The following FAM13B variants were observed in gnomAD, a reference collection of about 807,000 sequenced individuals.
FAM13B encodes the protein protein FAM13B.
FAM13B carries 60 observed loss-of-function variants against 117.3 expected under a neutral mutation model. The observed-to-expected ratio is 0.51, with a 90% CI of 0.42 to 0.63. The LOEUF (loss-of-function observed/expected upper bound fraction) is 0.63, where lower values mean the gene tolerates loss of function less well. FAM13B is among the 30% of genes least tolerant of loss of function. The pLI is 0.00. For missense variants in FAM13B, 972 were observed against 1,091.9 expected (o/e 0.89, Z 1.55); for synonymous variants, 332 against 356.1 (o/e 0.93, Z 0.76).
intron 15 of FAM13B, 37 bp from the exon 16 acceptor site, chr5:137,953,502 CA>C: frequency 6.2e-7 from 1 of 1,605,972 alleles, no homozygotes; most frequent in East Asian, 2.2e-5. Context: ...GTTAAATTTT[CA>C]AGTACCAACA....
At chr5:137,962,362 C>T in intron 11 of FAM13B, 43 bp downstream of exon 11, 1 of 1,565,600 alleles carries the variant, frequency 6.4e-7, no homozygotes, top group East Asian at 2.2e-5. Flanking sequence ...TGAAGAGCTC[C>T]AATTCTCAAA....
intron 10 of FAM13B, among the ~76,000 whole-genome samples, chr5:137,984,593 T>A (rs1437332736): frequency 1.3e-5 from 2 of 150,846 alleles, no homozygotes; most frequent in African/African-American, 4.9e-5. Flanking sequence ...CAGGGATCTA[T>A]CCCATCCTAA....
chr5:137,965,693 G>C (rs560748338), intron 10 of FAM13B, among the ~76,000 whole-genome samples: 62 of 152,184 alleles, frequency 4.1e-4, no homozygotes, highest in African/African-American at 1.2e-3. Context: ...GAATTAATAT[G>C]ATCAAAACTG....
chr5:137,952,883 G>A (rs1185014493), intron 16 of FAM13B, among the ~76,000 whole-genome samples, 174 bp from the exon 17 acceptor site: 2 of 152,120 alleles, frequency 1.3e-5, no homozygotes, highest in African/African-American at 4.8e-5. Context: ...GTAAGGTCTC[G>A]TAACTGGCAG....
intron 10 of FAM13B, among the ~76,000 whole-genome samples, chr5:137,975,166 C>T (rs973500914): frequency 1.3e-5 from 2 of 152,112 alleles, no homozygotes; most frequent in Non-Finnish European, 2.9e-5. Context: ...TTACTTTCTA[C>T]GAAAGCCACT....
At chr5:137,993,673 G>C (rs1029429423) in intron 7 of FAM13B, among the ~76,000 whole-genome samples, 1 of 151,928 alleles carries the variant, frequency 6.6e-6, no homozygotes, top group Non-Finnish European at 1.5e-5. Flanking sequence ...TGTAGTTCCA[G>C]TTACTCGGGA....
chr5:137,956,859 A>C (rs1200906497), intron 13 of FAM13B, among the ~76,000 whole-genome samples: 1 of 152,218 alleles, frequency 6.6e-6, no homozygotes, highest in Non-Finnish European at 1.5e-5. Flanking sequence ...TTTTCAGTGT[A>C]AATGATTTTA....
intron 10 of FAM13B, among the ~76,000 whole-genome samples, chr5:137,965,875 G>C (rs2150338166): frequency 6.6e-6 from 1 of 152,186 alleles, no homozygotes; most frequent in Admixed American, 6.5e-5. Context: ...ATCAATGAAG[G>C]TACCCTGAAA....
At chr5:137,965,847 A>C (rs1769551535) in intron 10 of FAM13B, among the ~76,000 whole-genome samples, 1 of 152,186 alleles carries the variant, frequency 6.6e-6, no homozygotes, top group South Asian at 2.1e-4. Flanking sequence ...GAATAATTCT[A>C]AGTTTTGAAG....
chr5:137,984,829 C>A (rs529689040), intron 10 of FAM13B, among the ~76,000 whole-genome samples: 2 of 151,428 alleles, frequency 1.3e-5, no homozygotes, highest in African/African-American at 4.9e-5. Context: ...AGTGCAATGG[C>A]GCAATCTTGG....
At chr5:138,032,304 G>C (rs1790296274) in intron 1 of FAM13B, among the ~76,000 whole-genome samples, 1 of 152,306 alleles carries the variant, frequency 6.6e-6, no homozygotes, top group African/African-American at 2.4e-5. Flanking sequence ...ATTTAAGGAA[G>C]TCCGCAACCA....
intron 1 of FAM13B, among the ~76,000 whole-genome samples, chr5:138,050,433 G>T (rs571654290): frequency 8.0e-6 from 1 of 124,668 alleles, no homozygotes; most frequent in Non-Finnish European, 1.7e-5. Context: ...ATGAAACTCC[G>T]TCTCAAAACA....
intron 11 of FAM13B, among the ~76,000 whole-genome samples, chr5:137,961,532 G>A (rs1345989247): frequency 3.3e-5 from 5 of 152,266 alleles, no homozygotes; most frequent in Non-Finnish European, 5.9e-5. Context: ...GGAAATCTGT[G>A]GACCTTCAGA....
At chr5:137,980,897 T>C (rs960829405) in intron 10 of FAM13B, among the ~76,000 whole-genome samples, 1 of 150,898 alleles carries the variant, frequency 6.6e-6, no homozygotes, top group African/African-American at 2.4e-5. Flanking sequence ...CAGACAAAAA[T>C]TTCAGCCCTC....
chr5:138,026,853 C>G (rs1463003961), intron 1 of FAM13B, among the ~76,000 whole-genome samples: 1 of 151,110 alleles, frequency 6.6e-6, no homozygotes, highest in African/African-American at 2.4e-5. Flanking sequence ...ACAGGAGAAT[C>G]GCTTGAACCC....
At chr5:137,978,756 G>A (rs1221020282) in intron 10 of FAM13B, among the ~76,000 whole-genome samples, 2 of 152,004 alleles carry the variant, frequency 1.3e-5, no homozygotes, top group African/African-American at 2.4e-5. Flanking sequence ...TTCAATCCCC[G>A]TTTATTCTAT....
At position 137,985,401 on chromosome 5, in the gene FAM13B, G is replaced by A. The variant is rs757431024; in HGVS notation, c.1047-12C>T. ...CAGCAATATCAATCCTAGGGATGAA[G>A]TTTAAAAATCAGATCAGGCCAAATG... On this transcript the variant is annotated splice_polypyrimidine_tract_variant and intron_variant, in intron 9 of 23. Transcript: ENST00000689681. The A allele has an allele frequency of 2.5e-6, 4 of 1,612,098 alleles. No individual in the cohort carries two copies. In the East Asian group the frequency reaches 8.9e-5, roughly 36 times the overall value.
At chr5:138,022,610 T>A (rs1787061320) in intron 1 of FAM13B, among the ~76,000 whole-genome samples, 1 of 152,176 alleles carries the variant, frequency 6.6e-6, no homozygotes, top group African/African-American at 2.4e-5. Context: ...TACCTATCTA[T>A]CCATTTGAAA....
intron 17 of FAM13B, among the ~76,000 whole-genome samples, chr5:137,951,209 C>CAAA (rs1158310740): frequency 0.053 from 3,347 of 63,256 alleles, 290 homozygotes; most frequent in Middle Eastern, 0.11. Context: ...CTGTCTCAAA[C>CAAA]AAAAAAAAAA....
Sources: allele counts gnomAD v4.1 joint callset (sites outside exome capture counted in the v4.1 genomes callset), GRCh38; gene constraint gnomAD v4.1.1; transcripts MANE v1.5; gene names NCBI Gene and HGNC (gene_info 2026-07-23, HGNC 2026-07-21).